The following KAZN variants were observed in gnomAD, a reference collection of about 807,000 sequenced individuals.
KAZN encodes the protein kazrin, periplakin interacting protein.
KAZN carries 40 observed loss-of-function variants against 87.4 expected under a neutral mutation model. The ratio of observed to expected loss-of-function variants is 0.46; its 90% CI spans 0.36 to 0.60. The LOEUF (loss-of-function observed/expected upper bound fraction) is 0.60. KAZN is among the 20% of genes least tolerant of loss of function. The probability of loss-of-function intolerance (pLI) is 0.00; values close to 1 mark genes in which losing one functional copy is unlikely to be tolerated. For missense variants in KAZN, 898 were observed against 1,073.9 expected (o/e 0.84, Z 2.29); for synonymous variants, 466 against 458.3 (o/e 1.02, Z -0.22).
At chr1:14,641,891 TG>T (rs1557858444) in intron 1 of KAZN, among the ~76,000 whole-genome samples, 1 of 152,306 alleles carries the variant, frequency 6.6e-6, no homozygotes, top group East Asian at 1.9e-4. Context: ...AGCTACAAAC[TG>T]GGGAGAAATA....
At chr1:14,226,237 A>C (rs1300446015) in intron 2 of KAZN, among the ~76,000 whole-genome samples, 1 of 152,154 alleles carries the variant, frequency 6.6e-6, no homozygotes, top group Non-Finnish European at 1.5e-5. Context: ...TCGTTAAAAA[A>C]TGGGCAAAGG....
chr1:14,092,680 G>A (rs1029025303), intron 1 of KAZN, among the ~76,000 whole-genome samples: 1 of 151,372 alleles, frequency 6.6e-6, no homozygotes, highest in Non-Finnish European at 1.5e-5. Flanking sequence ...ATTTGAAAAA[G>A]GAATTTCAGA....
At chr1:14,503,999 A>G (rs540349323) in intron 2 of KAZN, among the ~76,000 whole-genome samples, 1 of 152,114 alleles carries the variant, frequency 6.6e-6, no homozygotes, top group South Asian at 2.1e-4. Context: ...GGAAGCCCTC[A>G]CTCTCAAGGT....
At chr1:14,691,757 G>A (rs1641324385) in intron 1 of KAZN, among the ~76,000 whole-genome samples, 1 of 152,100 alleles carries the variant, frequency 6.6e-6, no homozygotes, top group South Asian at 2.1e-4. Context: ...AGAGTGCCGT[G>A]ATTACAGACG....
intron 2 of KAZN, among the ~76,000 whole-genome samples, chr1:14,449,837 C>T (rs1156448097): frequency 1.3e-5 from 2 of 152,226 alleles, no homozygotes; most frequent in East Asian, 1.9e-4. Context: ...GACTTCATCT[C>T]GGTTATTTCA....
intron 1 of KAZN, among the ~76,000 whole-genome samples, chr1:14,958,558 C>A (rs566143814): frequency 6.6e-6 from 1 of 152,302 alleles, no homozygotes; most frequent in African/African-American, 2.4e-5. Context: ...GAGGGTTAGA[C>A]CCGTTTAACA....
intron 2 of KAZN, among the ~76,000 whole-genome samples, chr1:14,380,309 G>A (rs1023246049): frequency 2.0e-5 from 3 of 152,086 alleles, no homozygotes; most frequent in African/African-American, 7.2e-5. Flanking sequence ...TCAATACCCA[G>A]ACAAAAACAA....
Position 14,201,447 on chromosome 1 carries a change from G to T in KAZN, c.249+20855G>T, listed in dbSNP as rs112264449. Among the ~76,000 whole-genome samples, 120 of 152,290 alleles carry T rather than the reference G, an allele frequency of 7.9e-4. 1 individual carries two copies. The highest frequency in any genetic ancestry group is 2.8e-3 in the African/African-American group (116 of 41,568). On this transcript the variant is annotated intron_variant, in intron 2 of 16. Transcript: ENST00000636203. ...AGCTGACTGGCACTGGGCCCTGGCTGCCCCGGAGCAGCTGGTGGAGCCTGG... is the reference window on the plus strand; with the variant it reads ...AGCTGACTGGCACTGGGCCCTGGCTTCCCCGGAGCAGCTGGTGGAGCCTGG...
intron 2 of KAZN, among the ~76,000 whole-genome samples, chr1:14,340,634 AT>A (rs1361177177): frequency 6.6e-6 from 1 of 152,212 alleles, no homozygotes; most frequent in Non-Finnish European, 1.5e-5. Flanking sequence ...CAAGTTGTAG[AT>A]AACTGATAAC....
chr1:14,979,645 G>A (rs1253993544), intron 2 of KAZN, among the ~76,000 whole-genome samples: 1 of 152,014 alleles, frequency 6.6e-6, no homozygotes, highest in Non-Finnish European at 1.5e-5. Flanking sequence ...CCATGGGCTT[G>A]GGTGGGTAAG....
intron 2 of KAZN, among the ~76,000 whole-genome samples, chr1:14,298,696 T>C (rs551133258): frequency 1.3e-5 from 2 of 152,242 alleles, no homozygotes; most frequent in African/African-American, 2.4e-5. Flanking sequence ...TATTTCTCTG[T>C]ATATAACTCG....
intron 1 of KAZN, among the ~76,000 whole-genome samples, chr1:14,088,116 A>T (rs920369005): frequency 1.3e-5 from 2 of 150,778 alleles, no homozygotes; most frequent in African/African-American, 4.9e-5. Context: ...TACTAATCTA[A>T]TTTTTTCAAT....
intron 2 of KAZN, among the ~76,000 whole-genome samples, chr1:14,462,279 G>A (rs184343004): frequency 1.5e-4 from 23 of 152,066 alleles, no homozygotes; most frequent in East Asian, 5.8e-4. Flanking sequence ...AGTGGAGACC[G>A]TTTGTGGTTT....
At chr1:14,355,204 G>C (rs1250371072) in intron 2 of KAZN, among the ~76,000 whole-genome samples, 1 of 152,098 alleles carries the variant, frequency 6.6e-6, no homozygotes, top group Admixed American at 6.6e-5. Flanking sequence ...GTCTTGACTA[G>C]GTGGGAACAA....
chr1:14,805,716 G>A (rs181673614), intron 1 of KAZN, among the ~76,000 whole-genome samples: 199 of 151,404 alleles, frequency 1.3e-3, no homozygotes, highest in Non-Finnish European at 2.4e-3. Context: ...AGCAGAGATC[G>A]CGCCAATGCA....
chr1:14,002,459 C>T lies in KAZN; in HGVS notation c.91+108703C>T, dbSNP rs150054762. Among the ~76,000 whole-genome samples the T allele has an allele frequency of 2.4e-3, 370 of 152,344 alleles. 1 individual carries two copies. The highest frequency in any genetic ancestry group is 8.6e-3 in the African/African-American group (359 of 41,582). The stretch of plus-strand genomic sequence containing the variant: ...TTATCAGGGGCTTTTGCTTCTTCCT[C>T]ATTTTCTCTTGCTGCCACCACGTAA... On this transcript the variant is annotated intron_variant, in intron 1 of 16. Transcript: ENST00000636203.
At chr1:14,509,442 C>G (rs111682893) in intron 2 of KAZN, among the ~76,000 whole-genome samples, 6 of 152,306 alleles carry the variant, frequency 3.9e-5, no homozygotes, top group African/African-American at 1.4e-4. Context: ...GGAGATGTGG[C>G]CCAGCTCACC....
chr1:14,879,144 T>C (rs1182046142), intron 1 of KAZN, among the ~76,000 whole-genome samples: 3 of 152,200 alleles, frequency 2.0e-5, no homozygotes, highest in Non-Finnish European at 4.4e-5. Flanking sequence ...AAGGTCTCTG[T>C]TCAAATACCA....
chr1:15,110,769 A>G (rs1244678042), intron 13 of KAZN, among the ~76,000 whole-genome samples: 1 of 152,238 alleles, frequency 6.6e-6, no homozygotes, highest in Non-Finnish European at 1.5e-5. Context: ...CAGAGGCCCA[A>G]GTTCAATTTC....
Sources: allele counts gnomAD v4.1 joint callset (sites outside exome capture counted in the v4.1 genomes callset), GRCh38; gene constraint gnomAD v4.1.1; transcripts MANE v1.5; gene names NCBI Gene and HGNC (gene_info 2026-07-23, HGNC 2026-07-21).